Variants in MLPH observed in about 807,000 individuals in gnomAD.
MLPH encodes the protein melanophilin.
MLPH carries 51 observed loss-of-function variants against 72.1 expected under a neutral mutation model. That is an observed-to-expected ratio of 0.71 (90% CI 0.56 to 0.89). The LOEUF is 0.89. Among genes scored for constraint, MLPH ranks in the 40% least tolerant of loss-of-function variants. The probability of loss-of-function intolerance (pLI) is 0.00; values close to 1 mark genes in which losing one functional copy is unlikely to be tolerated. For missense variants in MLPH, 743 were observed against 759.9 expected (o/e 0.98, Z 0.26); for synonymous variants, 301 against 310.1 (o/e 0.97, Z 0.31).
At chr2:237,542,187 G>A (rs2080703898) in intron 11 of MLPH, among the ~76,000 whole-genome samples, 1 of 152,088 alleles carries the variant, frequency 6.6e-6, no homozygotes, top group African/African-American at 2.4e-5. Flanking sequence ...GTGGAATGGG[G>A]GCCAGGCAAG....
chr2:237,496,539 C>T (rs2079539516), intron 2 of MLPH, among the ~76,000 whole-genome samples: 1 of 152,242 alleles, frequency 6.6e-6, no homozygotes, highest in Non-Finnish European at 1.5e-5. Flanking sequence ...GGTCACCTCT[C>T]AGTACTCTTA....
intron 2 of MLPH, among the ~76,000 whole-genome samples, chr2:237,503,464 G>A (rs1227635026): frequency 1.3e-5 from 2 of 152,108 alleles, no homozygotes; most frequent in East Asian, 1.9e-4. Flanking sequence ...CCCGACACGC[G>A]TTCCCAGGAT....
At chr2:237,534,953 G>C (rs1172984839) in intron 9 of MLPH, among the ~76,000 whole-genome samples, 1 of 152,286 alleles carries the variant, frequency 6.6e-6, no homozygotes, top group South Asian at 2.1e-4. Flanking sequence ...AAACTTGCTT[G>C]GCCCTACAGC....
intron 6 of MLPH, among the ~76,000 whole-genome samples, chr2:237,521,672 T>C (rs1287845864): frequency 2.6e-5 from 4 of 152,224 alleles, no homozygotes; most frequent in African/African-American, 9.7e-5. Context: ...AAGGTTTGGA[T>C]TGATAGATTC....
intron 8 of MLPH, among the ~76,000 whole-genome samples, chr2:237,528,185 C>G (rs2080344349): frequency 6.6e-6 from 1 of 151,776 alleles, no homozygotes; most frequent in Non-Finnish European, 1.5e-5. Context: ...TGAAAGGAGC[C>G]CTGGAGATGG....
chr2:237,538,131 C>A (rs904298228), intron 9 of MLPH, among the ~76,000 whole-genome samples: 1 of 152,178 alleles, frequency 6.6e-6, no homozygotes, highest in Admixed American at 6.5e-5. Context: ...GGGAGGTGGC[C>A]GTGAACAAAG....
At position 237,553,549 on chromosome 2, in the gene MLPH, G is replaced by A; in HGVS notation, c.1777-17G>A. ...TATGTGTGTGCTTATATGTGCATGT[G>A]TGTTTGTACTTTACAGAAACCTGTG... On this transcript the variant is annotated splice_polypyrimidine_tract_variant and intron_variant, in intron 15 of 15. Coordinates refer to ENST00000264605, the MANE Select transcript of MLPH (RefSeq NM_024101.7). 6.2e-7 allele frequency: 1 copy of A among 1,613,566 alleles called. No homozygotes were observed. The highest frequency in any genetic ancestry group is 1.1e-5 in the South Asian group (1 of 90,992).
intron 2 of MLPH, among the ~76,000 whole-genome samples, chr2:237,500,672 T>G (rs2079626995): frequency 1.3e-5 from 2 of 152,050 alleles, no homozygotes; most frequent in Non-Finnish European, 2.9e-5. Context: ...ACAGAAGTTG[T>G]GATTTCTCCT....
chr2:237,510,911 G>A lies in MLPH; in HGVS notation c.333-78G>A. On this transcript the variant is annotated intron_variant, in intron 3 of 15. Coordinates refer to ENST00000264605, the MANE Select transcript of MLPH (RefSeq NM_024101.7). The surrounding 1 kb of genome is among the most constrained non-coding windows in gnomAD (Gnocchi z 4.4). ...CACATGCACACACTCGTGTGTGTGT[G>A]TGTGTGTGTGTGTGAGATTTATGCA... The A allele has an allele frequency of 1.3e-6, 2 of 1,493,052 alleles. No individual in the cohort carries two copies. The highest frequency in any genetic ancestry group is 1.9e-6 in the Non-Finnish European group (2 of 1,071,190). 92.5% of individuals were successfully genotyped at this position (1,493,052 alleles called of 1,614,324 possible).
chr2:237,511,399 A>G, intron 4 of MLPH: 1 of 390,056 alleles, frequency 2.6e-6, no homozygotes, highest in South Asian at 2.2e-5. Context: ...AGTGTGAGCC[A>G]CTGTGCCCTG....
chr2:237,487,103 G>T (rs1432686439), upstream of MLPH: 1 of 152,224 alleles, frequency 6.6e-6, no homozygotes, highest in African/African-American at 2.4e-5. Flanking sequence ...GCTCTCCCCC[G>T]CACTGGCGCT....
At chr2:237,546,490 T>C (rs2080921127) in intron 12 of MLPH, 116 bp from the exon 13 acceptor site, 1 of 901,780 alleles carries the variant, frequency 1.1e-6, no homozygotes, top group Admixed American at 1.9e-5. Flanking sequence ...AGTCCCAGCA[T>C]CCCCAACCCA....
chr2:237,545,410 G>T (rs1350988657), intron 12 of MLPH: 8 of 1,268,992 alleles, frequency 6.3e-6, no homozygotes, highest in South Asian at 1.3e-5. Context: ...CTGTGCCTTT[G>T]TTGGGGTTCA....
intron 9 of MLPH, among the ~76,000 whole-genome samples, chr2:237,535,422 A>G (rs531167650): frequency 6.6e-6 from 1 of 151,762 alleles, no homozygotes; most frequent in Non-Finnish European, 1.5e-5. Flanking sequence ...TCAAACCACA[A>G]CAGCACACCG....
At chr2:237,549,351 GCT>G (rs2080986193) in intron 14 of MLPH, 73 bp downstream of exon 14, 1 of 1,304,986 alleles carries the variant, frequency 7.7e-7, no homozygotes, top group East Asian at 2.3e-5. Flanking sequence ...ACCAGTCGCA[GCT>G]CTGTGTGTTT....
At chr2:237,534,275 C>T (rs529539964) in intron 8 of MLPH, among the ~76,000 whole-genome samples, 1 of 152,356 alleles carries the variant, frequency 6.6e-6, no homozygotes, top group Admixed American at 6.5e-5. Context: ...CCATCACAAC[C>T]TTCCAGATTC....
intron 2 of MLPH, among the ~76,000 whole-genome samples, chr2:237,502,500 G>A (rs961538344): frequency 8.5e-5 from 13 of 152,152 alleles, no homozygotes; most frequent in African/African-American, 3.1e-4. Context: ...CCCAGTAACT[G>A]CTTTCTGCAT....
At chr2:237,502,046 C>G (rs1179425306) in intron 2 of MLPH, among the ~76,000 whole-genome samples, 1 of 152,070 alleles carries the variant, frequency 6.6e-6, no homozygotes, top group Non-Finnish European at 1.5e-5. Context: ...GAATTTTTCA[C>G]AGTCTGGAGT....
rs749724688 is a variant in MLPH at position 237,505,738 on chromosome 2, G to A, written c.111-4836G>A. Among the ~76,000 whole-genome samples, 12 of 152,314 alleles carry A rather than the reference G, an allele frequency of 7.9e-5. No individual in the cohort carries two copies. Among genetic ancestry groups the A allele is most frequent in the South Asian group, 2.1e-4 (1 of 4,830 alleles). On this transcript the variant is annotated intron_variant, in intron 2 of 15. Coordinates refer to ENST00000264605, the MANE Select transcript of MLPH (RefSeq NM_024101.7). The surrounding 1 kb of genome is among the most constrained non-coding windows in gnomAD (Gnocchi z 4.5). ...TCCTTCCTGTTCCCGTCCTAGAAGCGTTTTCCTTCCCTGGTATACGCCCTT... is the reference window on the plus strand; with the variant it reads ...TCCTTCCTGTTCCCGTCCTAGAAGCATTTTCCTTCCCTGGTATACGCCCTT...
Sources: gnomAD v4.1 joint callset for allele counts (sites outside exome capture counted in the v4.1 genomes callset) on GRCh38, gnomAD v4.1.1 for gene constraint, Gnocchi (gnomAD v3.1) non-coding constraint, MANE v1.5 for transcripts, NCBI Gene and HGNC (gene_info 2026-07-23, HGNC 2026-07-21) for gene names.